The following GALNT13 variants were observed in gnomAD, a reference collection of about 807,000 sequenced individuals.
The protein encoded by GALNT13 is polypeptide N-acetylgalactosaminyltransferase 13, also known as UDP-GalNAc:polypeptide N-acetylgalactosaminyltransferase 13.
GALNT13 carries 28 observed loss-of-function variants against 64.2 expected under a neutral mutation model. That is an observed-to-expected ratio of 0.44 (90% CI 0.32 to 0.60). GALNT13 has a LOEUF of 0.60. Ranked by LOEUF, GALNT13 falls within the 20% of genes least tolerant of loss-of-function variation. GALNT13 has a pLI of 0.05. For missense variants in GALNT13, 577 were observed against 669.8 expected (o/e 0.86, Z 1.53); for synonymous variants, 214 against 224.6 (o/e 0.95, Z 0.42).
In GALNT13 at chr2:153,929,372, G is replaced by T. The variant is rs556378197; in HGVS notation, c.-104-15022G>T. ...TTTCCAACATTTATTTTAGGTTTAC[G>T]GGGGCAGGTGGAGGTTCGTTACATG... On this transcript the variant is annotated intron_variant, in intron 2 of 12. Coordinates refer to ENST00000392825, the MANE Select transcript of GALNT13 (RefSeq NM_052917.4). Among the ~76,000 whole-genome samples, 15 of 152,106 alleles carry T rather than the reference G, an allele frequency of 9.9e-5. No homozygotes were observed. In the South Asian group the frequency reaches 1.9e-3, roughly 19 times the overall value.
intron 2 of GALNT13, among the ~76,000 whole-genome samples, chr2:153,942,149 T>A (rs16824445): frequency 0.18 from 27,986 of 152,052 alleles, 4,761 homozygotes; most frequent in East Asian, 0.76. Context: ...AACGATTTTT[T>A]AAATTCTTTA....
chr2:153,590,541 A>G, the GALNT13 span, among the ~76,000 whole-genome samples: 1 of 152,154 alleles, frequency 6.6e-6, no homozygotes, highest in Admixed American at 6.5e-5. Context: ...AACAAAAACT[A>G]CAGACCAATA....
At chr2:153,957,607 G>A (rs1005101730) in intron 3 of GALNT13, among the ~76,000 whole-genome samples, 2 of 152,216 alleles carry the variant, frequency 1.3e-5, no homozygotes, top group Non-Finnish European at 2.9e-5. Flanking sequence ...TAAAGCAGGT[G>A]CACTGATTCT....
chr2:154,320,912 C>G (rs931455254), intron 9 of GALNT13, among the ~76,000 whole-genome samples: 20 of 152,148 alleles, frequency 1.3e-4, no homozygotes, highest in African/African-American at 4.8e-4. Flanking sequence ...CTTCTTTTCA[C>G]CTTGTAGTAA....
chr2:154,183,464 C>A (rs747205564), intron 4 of GALNT13, among the ~76,000 whole-genome samples: 1 of 152,124 alleles, frequency 6.6e-6, no homozygotes, highest in African/African-American at 2.4e-5. Flanking sequence ...GTAATCCCAG[C>A]ACTTTGGGAG....
At chr2:153,311,624 C>T in the GALNT13 span, among the ~76,000 whole-genome samples, 1 of 152,186 alleles carries the variant, frequency 6.6e-6, no homozygotes, top group Admixed American at 6.5e-5. Context: ...TGGCTGTTGG[C>T]TGGCCTCAGA....
chr2:154,176,645 A>G (rs1319038762), intron 4 of GALNT13, among the ~76,000 whole-genome samples: 1 of 152,156 alleles, frequency 6.6e-6, no homozygotes, highest in African/African-American at 2.4e-5. Flanking sequence ...GTACATATTT[A>G]TTATGGATAA....
At chr2:153,143,402 A>G in the GALNT13 span, among the ~76,000 whole-genome samples, 1 of 152,010 alleles carries the variant, frequency 6.6e-6, no homozygotes, top group African/African-American at 2.4e-5. Context: ...ACCTGATGCC[A>G]GATACTAGGG....
intron 8 of GALNT13, among the ~76,000 whole-genome samples, chr2:154,298,817 T>TATA (rs1693234980): frequency 3.3e-4 from 1 of 2,992 alleles, no homozygotes; most frequent in African/African-American, 6.4e-4. Flanking sequence ...TTATATATTA[T>TATA]TTATATATAC....
chr2:153,391,261 A>C, the GALNT13 span, among the ~76,000 whole-genome samples: 1,305 of 152,170 alleles, frequency 8.6e-3, 12 homozygotes, highest in Non-Finnish European at 0.016. Flanking sequence ...TCTCTTGAGA[A>C]TTGGCCTTAG....
chr2:153,763,847 G>A, the GALNT13 span, among the ~76,000 whole-genome samples: 1 of 151,104 alleles, frequency 6.6e-6, no homozygotes, highest in Non-Finnish European at 1.5e-5. Flanking sequence ...AGACTTGGAG[G>A]GGTCAGAAGA....
chr2:154,422,982 A>G (rs987850814), intron 11 of GALNT13, among the ~76,000 whole-genome samples: 17 of 152,046 alleles, frequency 1.1e-4, no homozygotes, highest in Non-Finnish European at 2.2e-4. Context: ...TTATATAAGT[A>G]TGCATGTGCT....
rs1701894528 is a variant in GALNT13 at position 154,452,116 on chromosome 2, T to C, written c.*1565T>C. On this transcript the variant is annotated 3_prime_UTR_variant, in exon 13 of 13. Transcript: ENST00000392825. The stretch of plus-strand genomic sequence containing the variant: ...TTTTGACTTTTTATTGGTACAACTG[T>C]AGGGAAGAATCTACAACCTGGAGCA... 1 of 152,148 alleles carries C rather than the reference T, an allele frequency of 6.6e-6. No homozygotes were observed. Among genetic ancestry groups the C allele is most frequent in the South Asian group, 2.1e-4 (1 of 4,838 alleles). 9.4% of individuals were successfully genotyped at this position (152,148 alleles called of 1,614,324 possible).
At chr2:154,042,384 A>G (rs1296403096) in intron 3 of GALNT13, among the ~76,000 whole-genome samples, 1 of 125,348 alleles carries the variant, frequency 8.0e-6, no homozygotes, top group East Asian at 2.0e-4. Flanking sequence ...TCAAAGAAAT[A>G]CCTTATAGTC....
chr2:153,164,188 G>A, the GALNT13 span, among the ~76,000 whole-genome samples: 3 of 151,934 alleles, frequency 2.0e-5, no homozygotes, highest in South Asian at 6.2e-4. Context: ...TAATAGTACT[G>A]GAGGCTAGAA....
chr2:153,742,351 T>C, the GALNT13 span, among the ~76,000 whole-genome samples: 1 of 152,166 alleles, frequency 6.6e-6, no homozygotes, highest in Non-Finnish European at 1.5e-5. Flanking sequence ...TAATACTTCA[T>C]TGTGTATATA....
intron 11 of GALNT13, among the ~76,000 whole-genome samples, chr2:154,433,038 A>G (rs896025647): frequency 6.6e-6 from 1 of 152,210 alleles, no homozygotes; most frequent in African/African-American, 2.4e-5. Context: ...AACCCATGCA[A>G]TCACACAGAT....
the GALNT13 span, among the ~76,000 whole-genome samples, chr2:153,788,998 G>T: frequency 2.0e-5 from 3 of 152,004 alleles, no homozygotes; most frequent in African/African-American, 7.3e-5. Context: ...CACAATAATA[G>T]TGGGAGACTT....
chr2:153,831,523 C>T, the GALNT13 span, among the ~76,000 whole-genome samples: 1 of 152,150 alleles, frequency 6.6e-6, no homozygotes, highest in African/African-American at 2.4e-5. Context: ...ATCCATTTTG[C>T]AGATTTCCGA....
Sources: allele counts gnomAD v4.1 joint callset (sites outside exome capture counted in the v4.1 genomes callset), GRCh38; gene constraint gnomAD v4.1.1; transcripts MANE v1.5; gene names NCBI Gene and HGNC (gene_info 2026-07-23, HGNC 2026-07-21).